MAPK8IP3: variants seen among roughly 807,000 people sequenced by gnomAD.
MAPK8IP3 encodes C-Jun-amino-terminal kinase-interacting protein 3.
A neutral mutation model predicts 157.8 loss-of-function variants in MAPK8IP3; 49 were observed. The ratio of observed to expected loss-of-function variants is 0.31; its 90% CI spans 0.25 to 0.39. The LOEUF is 0.39. MAPK8IP3 is among the 10% of genes least tolerant of loss of function. The pLI is 1.00. For missense variants in MAPK8IP3, 1,478 were observed against 1,889.4 expected, an observed-to-expected ratio of 0.78 and a Z score of 4.04; for synonymous variants, 897 against 777.7, an observed-to-expected ratio of 1.15 and a Z score of -2.55.
intron 4 of MAPK8IP3, among the ~76,000 whole-genome samples, chr16:1,739,966 G>A (rs2141834141): frequency 1.5e-5 from 2 of 133,498 alleles, no homozygotes; most frequent in Admixed American, 7.9e-5. Context: ...GACCGTCCGT[G>A]TGAGCGTGTG....
rs759618183 is a variant in MAPK8IP3, at chr16:1,706,919, G to C, written c.318+262G>C. Among the ~76,000 whole-genome samples the C allele has an allele frequency of 1.9e-4, 28 of 149,610 alleles. No homozygotes were observed. Among genetic ancestry groups the C allele is most frequent in the Non-Finnish European group, 3.9e-4 (26 of 67,266 alleles). The stretch of plus-strand genomic sequence containing the variant: ...CCGGGACCCCACCCCGACTCCCGGG[G>C]ACCCCCTTTTCCGCCCAGGCCTGGG... On this transcript the variant is annotated intron_variant, in intron 1 of 31. Coordinates refer to ENST00000610761, the MANE Select transcript of MAPK8IP3 (RefSeq NM_001318852.2). The surrounding 1 kb of genome is among the most constrained non-coding windows in gnomAD (Gnocchi z 5.1).
chr16:1,766,362 C>T lies in MAPK8IP3; in HGVS notation c.2772C>T (p.Val924=), dbSNP rs1019391830. The T allele has an allele frequency of 6.2e-7, 1 of 1,612,644 alleles. No individual in the cohort carries two copies. Among genetic ancestry groups the T allele is most frequent in the South Asian group, 1.1e-5 (1 of 91,084 alleles). ...GGCCCGGGCCTCTCACAGAGCACGT[C>T]TTCACTGACCCAGCCCCGACCCCGT... The part of the protein sequence containing the change: ...TLRPGPLTEH[V]FTDPAPTPSS... The change falls in exon 22 of 32, where the codon GTC becomes GTT. Residue 924 remains valine (V), a synonymous_variant. Coordinates refer to ENST00000610761, the MANE Select transcript of MAPK8IP3 (RefSeq NM_001318852.2).
Position 1,744,669 on chromosome 16 carries a change from G to C in MAPK8IP3, c.747+1193G>C, listed in dbSNP as rs887729160. 8 of 985,296 alleles carry C rather than the reference G, an allele frequency of 8.1e-6. No homozygotes were observed. In the East Asian group the frequency reaches 5.7e-4, roughly 70 times the overall value. 61.0% of individuals were successfully genotyped at this position (985,296 alleles called of 1,614,324 possible). ...ATCTGAAGACACGTCAGCCTCAGCC[G>C]GGGGGAGCCCTTGCTTGACGCTCTC... On this transcript the variant is annotated intron_variant, in intron 5 of 31. Coordinates refer to ENST00000610761, the MANE Select transcript of MAPK8IP3 (RefSeq NM_001318852.2).
intron 8 of MAPK8IP3, among the ~76,000 whole-genome samples, chr16:1,749,299 C>T (rs1005632069): frequency 6.6e-6 from 1 of 152,240 alleles, no homozygotes; most frequent in Non-Finnish European, 1.5e-5. Flanking sequence ...AAATCCATGC[C>T]TGTTAGCCTC....
intron 16 of MAPK8IP3, among the ~76,000 whole-genome samples, chr16:1,763,308 C>T (rs144908093): frequency 1.2e-4 from 18 of 152,258 alleles, no homozygotes; most frequent in African/African-American, 4.1e-4. Flanking sequence ...CCGTTTCAGG[C>T]GTCTGTCCAG....
chr16:1,733,819 C>T (rs2039473866), intron 4 of MAPK8IP3, among the ~76,000 whole-genome samples: 2 of 152,358 alleles, frequency 1.3e-5, no homozygotes, highest in South Asian at 2.1e-4. Context: ...GCCCCTCGAT[C>T]ATTTTGTAAG....
At chr16:1,715,124 T>C (rs2038060390) in intron 1 of MAPK8IP3, among the ~76,000 whole-genome samples, 1 of 152,126 alleles carries the variant, frequency 6.6e-6, no homozygotes, top group African/African-American at 2.4e-5. Flanking sequence ...AATCAGTTCG[T>C]ATTCAACCAG....
At position 1,769,113 on chromosome 16, in the gene MAPK8IP3, G is replaced by A; in HGVS notation, c.*289G>A. 2.2e-6 allele frequency: 1 copy of A among 464,300 alleles called. No individual in the cohort carries two copies. The highest frequency in any genetic ancestry group is 2.3e-5 in the South Asian group (1 of 44,160). 28.8% of individuals were successfully genotyped at this position (464,300 alleles called of 1,614,324 possible). A position where few individuals can be genotyped will look rare whatever the true frequency, so the allele number is the denominator to read the frequency against. The stretch of plus-strand genomic sequence containing the variant: ...GAGTCCTCAAGTCCAGGGCACCTTG[G>A]GCCCAGCGCAGGCAGAATCCGAGGT... On this transcript the variant is annotated 3_prime_UTR_variant, in exon 32 of 32. Coordinates refer to ENST00000610761, the MANE Select transcript of MAPK8IP3 (RefSeq NM_001318852.2).
chr16:1,723,063 G>T (rs1447221335), intron 1 of MAPK8IP3, among the ~76,000 whole-genome samples: 3 of 151,626 alleles, frequency 2.0e-5, no homozygotes, highest in African/African-American at 7.3e-5. Flanking sequence ...ATGGAGTCTT[G>T]CTCTGTCTCC....
At chr16:1,727,802 C>T (rs1210623105) in intron 2 of MAPK8IP3, among the ~76,000 whole-genome samples, 2 of 152,152 alleles carry the variant, frequency 1.3e-5, no homozygotes, top group South Asian at 2.1e-4. Context: ...CAGCGTAGGC[C>T]GCCGCGGCCT....
chr16:1,737,091 A>G (rs1346872566), intron 4 of MAPK8IP3, among the ~76,000 whole-genome samples: 1 of 51,978 alleles, frequency 1.9e-5, no homozygotes, highest in Non-Finnish European at 3.5e-5. Context: ...CGTCCGTGTG[A>G]GTGTGACCAT....
intron 4 of MAPK8IP3, among the ~76,000 whole-genome samples, chr16:1,738,575 T>TGA (rs1318430217): frequency 2.2e-5 from 3 of 133,498 alleles, no homozygotes; most frequent in South Asian, 2.7e-4. Context: ...AGCATCCGTG[T>TGA]GAGTGTGACC....
In MAPK8IP3 at chr16:1,729,127, G is replaced by A. The variant is rs375704750; in HGVS notation, c.440-11G>A. ...GTCTTGTGCGGCTCAGACAGTGATTGTGTTTTCCAGTTTCCCGGTTGGAGG... is the reference window on the plus strand; with the variant it reads ...GTCTTGTGCGGCTCAGACAGTGATTATGTTTTCCAGTTTCCCGGTTGGAGG... On this transcript the variant is annotated splice_polypyrimidine_tract_variant and intron_variant, in intron 2 of 31. Coordinates refer to ENST00000610761, the MANE Select transcript of MAPK8IP3 (RefSeq NM_001318852.2). The A allele has an allele frequency of 2.5e-6, 4 of 1,613,502 alleles. No individual in the cohort carries two copies. The highest frequency in any genetic ancestry group is 3.4e-6 in the Non-Finnish European group (4 of 1,179,530).
intron 16 of MAPK8IP3, 144 bp downstream of exon 16, chr16:1,763,150 C>T (rs1433481004): frequency 6.7e-6 from 7 of 1,052,558 alleles, no homozygotes; most frequent in Non-Finnish European, 8.3e-6. Flanking sequence ...GTGACCTCTC[C>T]CTGCACACTG....
chr16:1,725,267 C>T (rs1422688804), intron 2 of MAPK8IP3, among the ~76,000 whole-genome samples: 2 of 151,098 alleles, frequency 1.3e-5, no homozygotes, highest in Admixed American at 6.6e-5. Context: ...TGATGGCATG[C>T]GCCTGTGGTC....
At chr16:1,767,966 A>ACGT in intron 28 of MAPK8IP3, 48 bp downstream of exon 28, 1 of 1,606,958 alleles carries the variant, frequency 6.2e-7, no homozygotes, top group South Asian at 1.1e-5. Context: ...CCAGAGGTGT[A>ACGT]CGTGGGTTCA....
chr16:1,720,634 T>C (rs1487167494), intron 1 of MAPK8IP3, among the ~76,000 whole-genome samples: 1 of 152,212 alleles, frequency 6.6e-6, no homozygotes, highest in Non-Finnish European at 1.5e-5. Flanking sequence ...TAATTTAAAA[T>C]TTTTTCTGTT....
rs761187205 is a variant in MAPK8IP3, at chr16:1,768,512, G to C, written c.3778G>C (p.Asp1260His). The part of the protein sequence containing the change: ...VLATLNGSVL[D>H]SPAEGPGPAA... ...GGCCACCCTGAATGGGAGTGTGCTGGACAGCCCAGCCGAGGGCCCTGGGCC... is the reference window on the plus strand; with the variant it reads ...GGCCACCCTGAATGGGAGTGTGCTGCACAGCCCAGCCGAGGGCCCTGGGCC... The change falls in exon 31 of 32, where the codon GAC becomes CAC. Residue 1260 changes from aspartate to histidine, a missense_variant. By Grantham distance (81) the Asp-to-His change is moderately conservative (BLOSUM62 -1). This residue lies in a region of MAPK8IP3 where 133 missense variants were observed against 133.4 expected (regional missense o/e 1.00). Transcript: ENST00000610761. The C allele has an allele frequency of 6.4e-7, 1 of 1,557,264 alleles. No homozygotes were observed. Among genetic ancestry groups the C allele is most frequent in the Non-Finnish European group, 8.7e-7 (1 of 1,153,536 alleles).
At chr16:1,739,648 G>T (rs111208276) in intron 4 of MAPK8IP3, among the ~76,000 whole-genome samples, 1 of 100,040 alleles carries the variant, frequency 1.0e-5, no homozygotes, top group Non-Finnish European at 2.0e-5. Context: ...GTGACCGTCC[G>T]TGTGAGCATC....
Sources: gnomAD v4.1 joint callset for allele counts (sites outside exome capture counted in the v4.1 genomes callset) on GRCh38, gnomAD v4.1.1 for gene constraint, gnomAD v4.1.1 regional missense constraint, Gnocchi (gnomAD v3.1) non-coding constraint, MANE v1.5 for transcripts, NCBI Gene and HGNC (gene_info 2026-07-23, HGNC 2026-07-21) for gene names.